The following KIF7 variants were observed in gnomAD, a reference collection of about 807,000 sequenced individuals.
KIF7 encodes the protein kinesin family member 7.
In KIF7, 104 loss-of-function variants were observed where a neutral mutation model predicts 135.7. The observed-to-expected ratio is 0.77, with a 90% CI of 0.65 to 0.90. The LOEUF (loss-of-function observed/expected upper bound fraction) is 0.90, where lower values mean the gene tolerates loss of function less well. Ranked by LOEUF, KIF7 falls within the 40% of genes least tolerant of loss-of-function variation. KIF7 has a pLI of 0.00. For missense variants in KIF7, 2,005 were observed against 1,839.1 expected (o/e 1.09, Z -1.65); for synonymous variants, 883 against 809.4 (o/e 1.09, Z -1.54).
chr15:89,653,916 G>A (rs1041374780), intron 1 of KIF7, among the ~76,000 whole-genome samples: 1 of 152,114 alleles, frequency 6.6e-6, no homozygotes, highest in African/African-American at 2.4e-5. Context: ...AAATGCAAAT[G>A]CAATTATTTC....
intron 11 of KIF7, 56 bp from the exon 12 acceptor site, chr15:89,633,939 T>C: frequency 1.9e-6 from 3 of 1,589,900 alleles, no homozygotes; most frequent in Non-Finnish European, 1.7e-6. Flanking sequence ...GAGCCTGCCA[T>C]AGTGCTGGGC....
At chr15:89,654,344 A>G (rs767539085) in intron 1 of KIF7, among the ~76,000 whole-genome samples, 2 of 139,514 alleles carry the variant, frequency 1.4e-5, no homozygotes, top group African/African-American at 5.3e-5. Context: ...AAAAAAAAAG[A>G]CAAGCCTTAA....
At chr15:89,629,989 C>T in intron 16 of KIF7, 2 of 533,684 alleles carry the variant, frequency 3.7e-6, no homozygotes, top group South Asian at 4.2e-5. Context: ...AAAGTATCTC[C>T]AGCCATGGCC....
chr15:89,662,962 C>A, the KIF7 span, among the ~76,000 whole-genome samples: 1 of 152,226 alleles, frequency 6.6e-6, no homozygotes, highest in Non-Finnish European at 1.5e-5. Flanking sequence ...CATATGCGGC[C>A]TCCAGCACCC....
chr15:89,647,807 T>G (rs1019507925), intron 5 of KIF7, 95 bp from the exon 6 acceptor site: 20 of 979,662 alleles, frequency 2.0e-5, no homozygotes, highest in Middle Eastern at 6.1e-4. Context: ...CTATCTACTC[T>G]TCCAAGCCCT....
At chr15:89,645,721 G>C (rs116457207) in intron 8 of KIF7, among the ~76,000 whole-genome samples, 172 bp downstream of exon 8, 1 of 152,250 alleles carries the variant, frequency 6.6e-6, no homozygotes, top group African/African-American at 2.4e-5. Flanking sequence ...AGACCTTTCG[G>C]CTCAGTGCCC....
At chr15:89,645,774 T>A in intron 8 of KIF7, 119 bp downstream of exon 8, 1 of 1,382,138 alleles carries the variant, frequency 7.2e-7, no homozygotes, top group Non-Finnish European at 9.8e-7. Flanking sequence ...CATGAGGGCA[T>A]CCTAGGACCC....
At chr15:89,643,430 T>C (rs1222298826) in intron 10 of KIF7, among the ~76,000 whole-genome samples, 1 of 152,200 alleles carries the variant, frequency 6.6e-6, no homozygotes, top group Non-Finnish European at 1.5e-5. Context: ...TTTTTGAGCA[T>C]CCACAGATTT....
Position 89,652,914 on chromosome 15 carries a change from T to C in KIF7, c.17A>G (p.Gln6Arg), listed in dbSNP as rs2142036911. ...GGCCTCCTCAGCCCCTGGCAGCCTCTGAGCCTCCAGCCCCATGCCGAGGGA... is the reference window on the plus strand; with the variant it reads ...GGCCTCCTCAGCCCCTGGCAGCCTCCGAGCCTCCAGCCCCATGCCGAGGGA... MGLEA[Q>R]RLPGAEEAPV... The change falls in exon 2 of 19, where the codon CAG becomes CGG. Residue 6 changes from glutamine (Q) to arginine (R), a missense_variant. Physicochemically the swap from Gln to Arg is conservative, Grantham distance 43. Coordinates refer to ENST00000394412, the MANE Select transcript of KIF7 (RefSeq NM_198525.3). 2 of 1,525,906 alleles carry C rather than the reference T, an allele frequency of 1.3e-6. No individual in the cohort carries two copies. Among genetic ancestry groups the C allele is most frequent in the Non-Finnish European group, 1.8e-6 (2 of 1,133,456 alleles). 94.5% of individuals were successfully genotyped at this position (1,525,906 alleles called of 1,614,324 possible).
chr15:89,619,063 A>C lies in KIF7; in HGVS notation c.181-868T>G, dbSNP rs564883146. Among the ~76,000 whole-genome samples the C allele has an allele frequency of 1.8e-4, 27 of 152,356 alleles. No individual in the cohort carries two copies. In the South Asian group the frequency reaches 5.2e-3, roughly 29 times the overall value. On this transcript the variant is annotated intron_variant and NMD_transcript_variant, in intron 1 of 2. Transcript: ENST00000558928. Reference sequence around the variant, plus strand: ...ATTTATTGTGGAAAAAACAGGAAACATGAAGCCAAAAATTTTAAAGCACTT... The same window carrying C: ...ATTTATTGTGGAAAAAACAGGAAACCTGAAGCCAAAAATTTTAAAGCACTT...
Position 89,631,585 on chromosome 15 carries a change from G to A in KIF7, c.3021C>T (p.Ile1007=), listed in dbSNP as rs142488318. Residue 1007 remains isoleucine, a synonymous_variant, in exon 15 of 19, where the codon ATC becomes ATT. Coordinates refer to ENST00000394412, the MANE Select transcript of KIF7 (RefSeq NM_198525.3). ...AGTCCTTCTCCTGGCGCAGGCTGTC[G>A]ATCTCCCCGCGGATCTGCTGCTGGC... ...AQSQQQIRGE[I]DSLRQEKDSL... is the part of the protein sequence containing the mutation. 211 of 1,565,798 alleles carry A rather than the reference G, an allele frequency of 1.3e-4. No homozygotes were observed. The highest frequency in any genetic ancestry group is 6.1e-4 in the Admixed American group (33 of 54,120).
downstream of KIF7, chr15:89,624,158 A>G (rs1360847041): frequency 6.2e-7 from 1 of 1,614,100 alleles, no homozygotes; most frequent in South Asian, 1.1e-5. Flanking sequence ...CCAGCCCAGA[A>G]ACTAAAGGAT....
chr15:89,652,867 C>T lies in KIF7; in HGVS notation c.64G>A (p.Val22Ile). 6.5e-7 allele frequency: 1 copy of T among 1,546,250 alleles called. No homozygotes were observed. The highest frequency in any genetic ancestry group is 2.4e-5 in the East Asian group (1 of 40,874). Reference sequence around the variant, plus strand: ...AGCTCCTTGGGCAGCAGTGGTCGAACTCGCAGGGCAACCCGCACTGGGGCC... The same window carrying T: ...AGCTCCTTGGGCAGCAGTGGTCGAATTCGCAGGGCAACCCGCACTGGGGCC... ...EEAPVRVALRVRPLLPKELLH... is the reference protein window; with the variant it reads ...EEAPVRVALRIRPLLPKELLH... The change falls in exon 2 of 19, where the codon GTT becomes ATT. Residue 22 changes from valine (V) to isoleucine (I), a missense_variant. By Grantham distance (29) the Val-to-Ile change is conservative (BLOSUM62 3). Coordinates refer to ENST00000394412, the MANE Select transcript of KIF7 (RefSeq NM_198525.3).
chr15:89,637,406 G>A (rs1963831743), intron 11 of KIF7, among the ~76,000 whole-genome samples: 2 of 151,348 alleles, frequency 1.3e-5, no homozygotes, highest in African/African-American at 2.4e-5. Context: ...TTTTTTGAAA[G>A]GATCAACAAA....
In KIF7 at chr15:89,645,005, C is replaced by T. The variant is rs776233268; in HGVS notation, c.2191+8G>A. ...GGGTGAGAGGCCCACCTGATGCCCA[C>T]GCCTCACCTGTGCGGACCAGCTCGC... On this transcript the variant is annotated splice_region_variant and intron_variant, in intron 10 of 18. Transcript: ENST00000394412. 16 of 1,607,486 alleles carry T rather than the reference C, an allele frequency of 1.0e-5. No individual in the cohort carries two copies. In the Middle Eastern group the frequency reaches 6.6e-4, roughly 66 times the overall value.
At chr15:89,632,526 A>G (rs1200648971) in intron 14 of KIF7, among the ~76,000 whole-genome samples, 2 of 152,128 alleles carry the variant, frequency 1.3e-5, no homozygotes, top group African/African-American at 4.8e-5. Flanking sequence ...ACTGTGTCAT[A>G]AATATCTTGA....
chr15:89,634,502 T>C (rs1963760097), intron 11 of KIF7, among the ~76,000 whole-genome samples: 1 of 152,202 alleles, frequency 6.6e-6, no homozygotes, highest in South Asian at 2.1e-4. Context: ...GGGCGAGGCA[T>C]TGCCTCACTC....
Position 89,647,587 on chromosome 15 carries a change from G to A in KIF7, c.1560+9C>T, listed in dbSNP as rs376700028. 1 of 1,608,826 alleles carries A rather than the reference G, an allele frequency of 6.2e-7. No individual in the cohort carries two copies. Among genetic ancestry groups the A allele is most frequent in the Non-Finnish European group, 8.5e-7 (1 of 1,177,906 alleles). ...AAGCCTTCCCCGCACTGTGAAGCGG[G>A]CGCCGCACCTGCAGTTTGTACTGCT... On this transcript the variant is annotated intron_variant, in intron 6 of 18. Transcript: ENST00000394412.
Position 89,649,239 on chromosome 15 carries a change from C to T in KIF7, c.658G>A (p.Val220Ile). 3.2e-6 allele frequency: 5 copies of T among 1,543,144 alleles called. No homozygotes were observed. The highest frequency in any genetic ancestry group is 3.5e-6 in the Non-Finnish European group (4 of 1,142,606). The change falls in exon 4 of 19, where the codon GTC becomes ATC. Residue 220 changes from valine to isoleucine, a missense_variant. By Grantham distance (29) the Val-to-Ile change is conservative. Transcript: ENST00000394412. ...CGCTGCTCCAGGGTCACGGTGAAGACCGTGTGTGAGCGGCTAGACAGGTGG... is the reference window on the plus strand; with the variant it reads ...CGCTGCTCCAGGGTCACGGTGAAGATCGTGTGTGAGCGGCTAGACAGGTGG... ...LNHLSSRSHT[V>I]FTVTLEQRGR...
Sources: gnomAD v4.1 joint callset for allele counts (sites outside exome capture counted in the v4.1 genomes callset) on GRCh38, gnomAD v4.1.1 for gene constraint, MANE v1.5 for transcripts, NCBI Gene and HGNC (gene_info 2026-07-23, HGNC 2026-07-21) for gene names.